Variants in CDK7 observed in about 807,000 individuals in gnomAD.
CDK7 encodes the protein cyclin dependent kinase 7.
Under a neutral mutation model 49.1 loss-of-function variants are expected in CDK7, and 25 were observed. The ratio of observed to expected loss-of-function variants is 0.51; its 90% CI spans 0.37 to 0.71. CDK7 has a LOEUF of 0.71. Ranked by LOEUF, CDK7 falls within the 30% of genes least tolerant of loss-of-function variation. CDK7 has a pLI of 0.00. For missense variants in CDK7, 316 were observed against 411.7 expected (o/e 0.77, Z 2.01); for synonymous variants, 107 against 140.0 (o/e 0.76, Z 1.67).
chr5:69,260,014 C>G, intron 7 of CDK7, 78 bp downstream of exon 7: 4 of 909,138 alleles, frequency 4.4e-6, no homozygotes, highest in Non-Finnish European at 7.1e-6. Flanking sequence ...ACTATCTTGG[C>G]AGAGTTAAGG....
At position 69,276,697 on chromosome 5, in the gene CDK7, T is replaced by G. The variant is rs369475447; in HGVS notation, c.1012+7T>G. 2.0e-5 allele frequency: 32 copies of G among 1,607,424 alleles called. No individual in the cohort carries two copies. The highest frequency in any genetic ancestry group is 1.1e-5 in the Non-Finnish European group (13 of 1,178,030). On this transcript the variant is annotated splice_region_variant and intron_variant, in intron 11 of 11. Transcript: ENST00000256443. Reference sequence around the variant, plus strand: ...ACAGAGGCCTTAGAACAAGGTAAGATTCCCACTTTTAAAAGAAATTAAATG... The same window carrying G: ...ACAGAGGCCTTAGAACAAGGTAAGAGTCCCACTTTTAAAAGAAATTAAATG...
chr5:69,266,234 C>A (rs1384392999), intron 8 of CDK7, among the ~76,000 whole-genome samples: 1 of 152,104 alleles, frequency 6.6e-6, no homozygotes, highest in Non-Finnish European at 1.5e-5. Flanking sequence ...AGAGACAGCA[C>A]AGGAGAAAAA....
chr5:69,236,035 G>A (rs905543715), intron 2 of CDK7, among the ~76,000 whole-genome samples: 5 of 152,178 alleles, frequency 3.3e-5, no homozygotes, highest in African/African-American at 9.7e-5. Context: ...GGGGTCAAGA[G>A]ATCCAGACCA....
chr5:69,258,280 G>T (rs1051798757), intron 6 of CDK7, 127 bp downstream of exon 6: 10 of 552,374 alleles, frequency 1.8e-5, no homozygotes, highest in Non-Finnish European at 3.2e-5. Context: ...CCATCTTTTT[G>T]CTATATATTA....
chr5:69,245,863 A>T (rs1200042999), intron 2 of CDK7, among the ~76,000 whole-genome samples: 1 of 152,064 alleles, frequency 6.6e-6, no homozygotes, highest in Non-Finnish European at 1.5e-5. Context: ...GCCACTAATT[A>T]TCCTTTGGAT....
At position 69,243,889 on chromosome 5, in the gene CDK7, A is replaced by G. The variant is rs144018424; in HGVS notation, c.126+8436A>G. Among the ~76,000 whole-genome samples, 739 of 131,352 alleles carry G rather than the reference A, an allele frequency of 5.6e-3. 1 individual carries two copies. Among genetic ancestry groups the G allele is most frequent in the Middle Eastern group, 0.011 (2 of 174 alleles). 86.2% of individuals were successfully genotyped at this position (131,352 alleles called of 152,430 possible). On this transcript the variant is annotated intron_variant, in intron 2 of 11. Coordinates refer to ENST00000256443, the MANE Select transcript of CDK7 (RefSeq NM_001799.4). ...GCACTGTTGCCTGGGCTGGAGTTCAATGGTGCAATCTCAGCTCACTGCAAC... is the reference window on the plus strand; with the variant it reads ...GCACTGTTGCCTGGGCTGGAGTTCAGTGGTGCAATCTCAGCTCACTGCAAC...
chr5:69,252,640 G>A (rs1227117843), intron 3 of CDK7, among the ~76,000 whole-genome samples, 189 bp downstream of exon 3: 1 of 151,624 alleles, frequency 6.6e-6, no homozygotes, highest in African/African-American at 2.4e-5. Flanking sequence ...CTCTTGAGTA[G>A]CTAGGGCTGT....
chr5:69,271,587 C>T (rs540691363), intron 9 of CDK7, among the ~76,000 whole-genome samples: 32 of 150,502 alleles, frequency 2.1e-4, no homozygotes, highest in African/African-American at 7.6e-4. Flanking sequence ...TCTCAGCTCA[C>T]TGCAACTTCC....
At chr5:69,249,719 G>T (rs1750015013) in intron 2 of CDK7, among the ~76,000 whole-genome samples, 1 of 152,148 alleles carries the variant, frequency 6.6e-6, no homozygotes. Flanking sequence ...GGTGGTTCAT[G>T]CCTGTAATTC....
chr5:69,236,517 A>G (rs1748984195), intron 2 of CDK7, among the ~76,000 whole-genome samples: 1 of 150,108 alleles, frequency 6.7e-6, no homozygotes, highest in Non-Finnish European at 1.5e-5. Context: ...CTTGGAAGTT[A>G]TCCATATTTA....
In CDK7 at chr5:69,254,605, TA is replaced by T; in HGVS notation, c.167del (p.Asn56IlefsTer5). The stretch of plus-strand genomic sequence containing the variant: ...TTTGCTTTGCCTTTTTATATAGGTA[TA>T]AATAGAACCGCCTTAAGAGAGATAA... ...LGHRSEAKDG[I>X]NRTALREIKL... On this transcript the variant is annotated frameshift_variant, in exon 4 of 12. Coordinates refer to ENST00000256443, the MANE Select transcript of CDK7 (RefSeq NM_001799.4). LOFTEE classifies it high-confidence loss of function. 7.0e-7 allele frequency: 1 copy of T among 1,433,984 alleles called. No homozygotes were observed. The highest frequency in any genetic ancestry group is 9.8e-7 in the Non-Finnish European group (1 of 1,017,152). The allele number at this position is 1,433,984 out of a possible 1,614,324, so 88.8% of individuals were successfully genotyped here.
Position 69,252,415 on chromosome 5 carries a change from C to G in CDK7, c.127-3C>G. ...TATTTGGGTTTTTTTCCGTTTCTAC[C>G]AGATCAAACTTGGACATAGATCAGA... On this transcript the variant is annotated splice_polypyrimidine_tract_variant and splice_region_variant and intron_variant, in intron 2 of 11. Coordinates refer to ENST00000256443, the MANE Select transcript of CDK7 (RefSeq NM_001799.4). The G allele has an allele frequency of 6.5e-7, 1 of 1,545,178 alleles. No homozygotes were observed. The highest frequency in any genetic ancestry group is 2.3e-5 in the East Asian group (1 of 43,262).
intron 9 of CDK7, among the ~76,000 whole-genome samples, chr5:69,271,686 G>GT (rs1236192719): frequency 1.3e-5 from 2 of 151,204 alleles, no homozygotes; most frequent in African/African-American, 2.4e-5. Flanking sequence ...TAGTTTTTGT[G>GT]TTTTTTGTAG....
intron 2 of CDK7, among the ~76,000 whole-genome samples, chr5:69,242,144 C>A (rs1280005432): frequency 6.6e-6 from 1 of 152,182 alleles, no homozygotes; most frequent in Non-Finnish European, 1.5e-5. Context: ...TTTCCCAGCA[C>A]CACTTATTTA....
chr5:69,235,278 A>G lies in CDK7; in HGVS notation c.67-116A>G, dbSNP rs1748883091. The G allele has an allele frequency of 1.3e-5, 11 of 858,458 alleles. No individual in the cohort carries two copies. The South Asian group carries it at 1.6e-4, about 13-fold the overall frequency. 53.2% of individuals were successfully genotyped at this position (858,458 alleles called of 1,614,324 possible). A position where few individuals can be genotyped will look rare whatever the true frequency, so the allele number is the denominator to read the frequency against. On this transcript the variant is annotated intron_variant, in intron 1 of 11. Coordinates refer to ENST00000256443, the MANE Select transcript of CDK7 (RefSeq NM_001799.4). ...ACGGAGACTGACCCGCCACGTTTCC[A>G]GCCGCCGCGAGTCTGCTCAGGAACT... is the stretch of plus-strand genomic sequence containing the variant.
At chr5:69,238,334 G>C (rs1282210059) in intron 2 of CDK7, among the ~76,000 whole-genome samples, 1 of 149,258 alleles carries the variant, frequency 6.7e-6, no homozygotes, top group African/African-American at 2.5e-5. Flanking sequence ...TCCCTGGCTG[G>C]AGTGTAGTGG....
intron 10 of CDK7, among the ~76,000 whole-genome samples, chr5:69,275,713 C>T (rs1399342584): frequency 6.6e-6 from 1 of 152,156 alleles, no homozygotes; most frequent in Non-Finnish European, 1.5e-5. Context: ...GTGGCTCACG[C>T]CTGTAATCCT....
At chr5:69,246,252 T>G (rs1309597971) in intron 2 of CDK7, among the ~76,000 whole-genome samples, 1 of 152,168 alleles carries the variant, frequency 6.6e-6, no homozygotes, top group Non-Finnish European at 1.5e-5. Flanking sequence ...TTCTCCTGCC[T>G]CAGCCTCCTG....
At chr5:69,250,529 C>G (rs535337182) in intron 2 of CDK7, among the ~76,000 whole-genome samples, 1 of 152,178 alleles carries the variant, frequency 6.6e-6, no homozygotes, top group African/African-American at 2.4e-5. Flanking sequence ...GCTCCTCAGT[C>G]AGCTTATGCT....
Sources: gnomAD v4.1 joint callset for allele counts (sites outside exome capture counted in the v4.1 genomes callset) on GRCh38, gnomAD v4.1.1 for gene constraint, MANE v1.5 for transcripts, NCBI Gene and HGNC (gene_info 2026-07-23, HGNC 2026-07-21) for gene names.